Variants in PLEKHG4B observed in about 807,000 individuals in gnomAD.
The protein encoded by PLEKHG4B is pleckstrin homology and RhoGEF domain containing G4B.
A neutral mutation model predicts 121.3 loss-of-function variants in PLEKHG4B; 111 were observed. The ratio of observed to expected loss-of-function variants is 0.92; its 90% CI spans 0.78 to 1.07. The LOEUF (loss-of-function observed/expected upper bound fraction) is 1.07, where lower values mean the gene tolerates loss of function less well. Ranked by LOEUF, PLEKHG4B falls within the 50% of genes least tolerant of loss-of-function variation. PLEKHG4B has a pLI of 0.00. For missense variants in PLEKHG4B, 1,831 were observed against 1,757.8 expected (o/e 1.04, Z -0.74); for synonymous variants, 738 against 725.0 (o/e 1.02, Z -0.29).
At chr5:104,403 A>T (rs1290713068) in intron 1 of PLEKHG4B, among the ~76,000 whole-genome samples, 1 of 152,244 alleles carries the variant, frequency 6.6e-6, no homozygotes, top group East Asian at 1.9e-4. Context: ...AGCTCTTAAC[A>T]TGCAGTATCC....
intron 7 of PLEKHG4B, among the ~76,000 whole-genome samples, chr5:153,002 C>T (rs1238432349): frequency 6.6e-6 from 1 of 152,132 alleles, no homozygotes; most frequent in African/African-American, 2.4e-5. Context: ...GTCAATTAAA[C>T]CTCTTTCCTT....
chr5:168,730 C>A (rs1359347311), intron 13 of PLEKHG4B, among the ~76,000 whole-genome samples: 1 of 152,142 alleles, frequency 6.6e-6, no homozygotes, highest in Non-Finnish European at 1.5e-5. Context: ...TGACAAGTTT[C>A]TTTTTGAAAT....
rs374552528 is a variant in PLEKHG4B at position 182,286 on chromosome 5, C to T, written c.4847C>T (p.Ala1616Val). ...TGTQAAVCEGAPAVLLSRTRQ... is the reference protein window; with the variant it reads ...TGTQAAVCEGVPAVLLSRTRQ... ...ACCCAGGCTGCAGTGTGTGAGGGGG[C>T]TCCTGCTGTGCTGCTGAGCCGCACA... Residue 1616 changes from alanine (A) to valine (V), a missense_variant, in exon 20 of 20, where the codon GCT (alanine) becomes GTT (valine). Transcript: ENST00000637938. The T allele has an allele frequency of 1.3e-5, 21 of 1,611,940 alleles. No individual in the cohort carries two copies. In the African/African-American group the frequency reaches 2.5e-4, roughly 19 times the overall value.
At chr5:135,424 T>C (rs1284937133) in intron 2 of PLEKHG4B, among the ~76,000 whole-genome samples, 3 of 150,242 alleles carry the variant, frequency 2.0e-5, no homozygotes, top group Admixed American at 6.6e-5. Flanking sequence ...GCCAGTACTT[T>C]GGGAGGCCGA....
chr5:169,528 T>G lies in PLEKHG4B; in HGVS notation c.3665T>G (p.Phe1222Cys). Reference sequence around the variant, plus strand: ...CTCCACGACTTCCACCAGCAGCACTTCCTCCGGGAGCTGGAGCGCTGCCAG... The same window carrying G: ...CTCCACGACTTCCACCAGCAGCACTGCCTCCGGGAGCTGGAGCGCTGCCAG... ...EKLHDFHQQH[F>C]LRELERCQHC... The change falls in exon 14 of 20, where the codon TTC becomes TGC. Residue 1222 changes from phenylalanine (F) to cysteine (C), a missense_variant. Phe to Cys is a radical substitution (Grantham distance 205). Transcript: ENST00000637938. 1 of 1,614,056 alleles carries G rather than the reference T, an allele frequency of 6.2e-7. No individual in the cohort carries two copies. Among genetic ancestry groups the G allele is most frequent in the Non-Finnish European group, 8.5e-7 (1 of 1,180,042 alleles).
At chr5:177,145 TCTAA>T (rs754765331) in intron 18 of PLEKHG4B, among the ~76,000 whole-genome samples, 41 of 152,248 alleles carry the variant, frequency 2.7e-4, no homozygotes, top group Non-Finnish European at 4.4e-4. Flanking sequence ...TTTTCTTGTG[TCTAA>T]CTTTTTCAGT....
In PLEKHG4B at chr5:155,127, G is replaced by C. The variant is rs367862079; in HGVS notation, c.2109+136G>C. The stretch of plus-strand genomic sequence containing the variant: ...TGTTACAGTCGCCGTTCAGGTCTTC[G>C]TGTCTACACAACCACGCCGTGGTGC... On this transcript the variant is annotated intron_variant, in intron 8 of 19. Coordinates refer to ENST00000637938, the MANE Select transcript of PLEKHG4B (RefSeq NM_052909.5). The C allele has an allele frequency of 3.3e-6, 3 of 895,830 alleles. No individual in the cohort carries two copies. In the African/African-American group the frequency reaches 4.9e-5, roughly 15 times the overall value. The allele number at this position is 895,830 out of a possible 1,614,324, so 55.5% of individuals were successfully genotyped here.
chr5:180,809 C>G (rs1322898584), intron 18 of PLEKHG4B, among the ~76,000 whole-genome samples: 1 of 152,230 alleles, frequency 6.6e-6, no homozygotes, highest in African/African-American at 2.4e-5. Flanking sequence ...TCAGCCCTTT[C>G]CCTGCAAGAG....
intron 14 of PLEKHG4B, among the ~76,000 whole-genome samples, chr5:170,665 A>T (rs1039710870): frequency 3.3e-5 from 5 of 152,150 alleles, no homozygotes; most frequent in African/African-American, 1.2e-4. Context: ...TGATTGTGGC[A>T]ATTTTAAATG....
chr5:121,171 C>CG (rs1484151590), intron 2 of PLEKHG4B, among the ~76,000 whole-genome samples: 2 of 151,624 alleles, frequency 1.3e-5, no homozygotes, highest in African/African-American at 4.9e-5. Flanking sequence ...GGCGTGAACC[C>CG]GGGAGGTGGA....
chr5:161,080 CT>C (rs1485807264), intron 11 of PLEKHG4B, among the ~76,000 whole-genome samples: 1 of 152,218 alleles, frequency 6.6e-6, no homozygotes, highest in African/African-American at 2.4e-5. Context: ...CTAGTCGCCC[CT>C]GGTGTTGCTG....
At chr5:181,808 G>A (rs913916320) in intron 19 of PLEKHG4B, 133 bp downstream of exon 19, 53 of 1,344,316 alleles carry the variant, frequency 3.9e-5, no homozygotes, top group South Asian at 9.7e-5. Flanking sequence ...TCAAGGACAC[G>A]GGTACGGTGG....
chr5:164,510 A>C (rs1358431214), intron 13 of PLEKHG4B, among the ~76,000 whole-genome samples: 3 of 86,122 alleles, frequency 3.5e-5, no homozygotes, highest in Non-Finnish European at 2.3e-5. Flanking sequence ...CAGGGGGCGG[A>C]GCTCACACAG....
chr5:138,579 A>G (rs1735053156), intron 2 of PLEKHG4B, among the ~76,000 whole-genome samples: 1 of 152,194 alleles, frequency 6.6e-6, no homozygotes, highest in Admixed American at 6.5e-5. Context: ...TGGGGTTGTG[A>G]CTTCCATCTG....
rs1437220998 is a variant in PLEKHG4B at position 162,965 on chromosome 5, C to G, written c.2893C>G (p.Pro965Ala). The change falls in exon 13 of 20, where the codon CCC (proline) becomes GCC (alanine). Residue 965 changes from proline (P) to alanine (A), a missense_variant. Physicochemically the swap from Pro to Ala is conservative, Grantham distance 27 (BLOSUM62 -1). Transcript: ENST00000637938. ...EEALSEAAPD[P>A]SLPPLAQSPP... The stretch of plus-strand genomic sequence containing the variant: ...GGCCCTTTCTGAGGCTGCCCCAGAC[C>G]CCAGCTTACCGCCCCTTGCCCAGAG... 17 of 1,563,490 alleles carry G rather than the reference C, an allele frequency of 1.1e-5. No homozygotes were observed. The highest frequency in any genetic ancestry group is 1.4e-5 in the Non-Finnish European group (16 of 1,154,476).
rs774720339 is a variant in PLEKHG4B at position 189,701 on chromosome 5, GT to G, written c.*7379del. On this transcript the variant is annotated 3_prime_UTR_variant, in exon 20 of 20. Transcript: ENST00000637938. The stretch of plus-strand genomic sequence containing the variant: ...CCCCTCTCTAAAAGAAGGGAAAACA[GT>G]AAGCGAGAGGGAGGCTGCAGGGGCC... The G allele has an allele frequency of 0.15, 22,076 of 152,128 alleles. 3,762 individuals are homozygous for G. The highest frequency in any genetic ancestry group is 0.41 in the African/African-American group (17,045 of 41,382). 9.4% of individuals were successfully genotyped at this position (152,128 alleles called of 1,614,324 possible).
Position 159,041 on chromosome 5 carries a change from A to G in PLEKHG4B, c.2487+2130A>G, listed in dbSNP as rs909683463. ...GGCCCTGCGCCTGTGCTTAGCTTCC[A>G]TCCCACTCCCAGCCTTCTGCCTGTG... On this transcript the variant is annotated intron_variant, in intron 11 of 19. Transcript: ENST00000637938. The surrounding 1 kb of genome is among the most constrained non-coding windows in gnomAD (Gnocchi z 5.5). 8.0e-5 allele frequency among the ~76,000 whole-genome samples: 12 copies of G among 149,328 alleles called. No individual in the cohort carries two copies. The highest frequency in any genetic ancestry group is 5.4e-4 in the Admixed American group (8 of 14,850).
At chr5:102,953 T>C (rs1005222032) in intron 1 of PLEKHG4B, among the ~76,000 whole-genome samples, 1 of 152,110 alleles carries the variant, frequency 6.6e-6, no homozygotes, top group African/African-American at 2.4e-5. Flanking sequence ...GGTAAGCAAA[T>C]CTGTTAGAGG....
intron 7 of PLEKHG4B, among the ~76,000 whole-genome samples, chr5:153,633 C>T (rs1735673029): frequency 6.6e-6 from 1 of 152,206 alleles, no homozygotes; most frequent in African/African-American, 2.4e-5. Flanking sequence ...TCCTCTGTTT[C>T]TTCTTTCTTC....
Sources: allele counts gnomAD v4.1 joint callset (sites outside exome capture counted in the v4.1 genomes callset), GRCh38; gene constraint gnomAD v4.1.1; non-coding constraint Gnocchi (gnomAD v3.1); transcripts MANE v1.5; gene names NCBI Gene and HGNC (gene_info 2026-07-23, HGNC 2026-07-21).